Variants in DEFB130A observed in about 807,000 individuals in gnomAD.
The protein encoded by DEFB130A is beta-defensin 130A.
At chr8:12,316,872 T>A (rs1401634382) in intron 1 of DEFB130A, among the ~76,000 whole-genome samples, 1 of 144,662 alleles carries the variant, frequency 6.9e-6, no homozygotes, top group East Asian at 2.0e-4. Context: ...TTGGTGGGAA[T>A]GTAACAGTCT....
intron 1 of DEFB130A, among the ~76,000 whole-genome samples, chr8:12,316,893 C>A: frequency 7.3e-6 from 1 of 136,592 alleles, no homozygotes. Context: ...GAAGATTTCT[C>A]AAAGAACTTA....
intron 1 of DEFB130A, among the ~76,000 whole-genome samples, chr8:12,316,700 A>G (rs1809547303): frequency 8.4e-6 from 1 of 119,662 alleles, no homozygotes; most frequent in Non-Finnish European, 1.7e-5. Context: ...AGAAGCAGCC[A>G]GCAAACATGA....
In DEFB130A at chr8:12,316,781, G is replaced by A. The variant is rs866077410; in HGVS notation, c.58+1478C>T. Among the ~76,000 whole-genome samples, 3 of 148,778 alleles carry A rather than the reference G, an allele frequency of 2.0e-5. 1 individual carries two copies. The highest frequency in any genetic ancestry group is 7.7e-5 in the African/African-American group (3 of 38,854). ...CCACAATGAGAACTATCTTACACCA[G>A]TGAGAATGGCTATTATTAAAAAGTT... On this transcript the variant is annotated intron_variant, in intron 1 of 1. Coordinates refer to ENST00000400079, the MANE Select transcript of DEFB130A (RefSeq NM_001037804.1).
intron 1 of DEFB130A, among the ~76,000 whole-genome samples, chr8:12,317,337 A>G (rs1235256221): frequency 3.3e-5 from 4 of 121,744 alleles, no homozygotes; most frequent in South Asian, 6.0e-4. Flanking sequence ...TACATGAGTG[A>G]TGGGATTACC....
At chr8:12,315,333 G>A (rs1809508740) in intron 1 of DEFB130A, among the ~76,000 whole-genome samples, 1 of 87,598 alleles carries the variant, frequency 1.1e-5, no homozygotes, top group South Asian at 5.4e-4. Flanking sequence ...GCAATCATAT[G>A]TGAGGTGGAT....
chr8:12,311,802 G>A lies in DEFB130A; in HGVS notation c.59-659C>T, dbSNP rs536016177. ...AGACACCTGCAGAGAATTACTCACAGAGCTAAAAGGTATTTTCCCTTAAGT... is the reference window on the plus strand; with the variant it reads ...AGACACCTGCAGAGAATTACTCACAAAGCTAAAAGGTATTTTCCCTTAAGT... On this transcript the variant is annotated intron_variant, in intron 1 of 1. Coordinates refer to ENST00000400079, the MANE Select transcript of DEFB130A (RefSeq NM_001037804.1). Among the ~76,000 whole-genome samples the A allele has an allele frequency of 1.8e-5, 2 of 113,766 alleles. 1 individual carries two copies. The highest frequency in any genetic ancestry group is 6.3e-5 in the African/African-American group (2 of 31,680). The allele number at this position is 113,766 out of a possible 152,430, so 74.6% of individuals were successfully genotyped here.
intron 1 of DEFB130A, among the ~76,000 whole-genome samples, chr8:12,312,114 A>G (rs964324890): frequency 2.6e-4 from 5 of 19,296 alleles, no homozygotes; most frequent in Middle Eastern, 0.012. Flanking sequence ...TTGCTTCTGT[A>G]GATGAGTAAC....
intron 1 of DEFB130A, among the ~76,000 whole-genome samples, chr8:12,316,934 C>A (rs1261185387): frequency 9.2e-6 from 1 of 109,288 alleles, no homozygotes; most frequent in Non-Finnish European, 1.8e-5. Flanking sequence ...CCAGCAATTC[C>A]TACTGGGTAT....
intron 1 of DEFB130A, among the ~76,000 whole-genome samples, chr8:12,316,837 G>C (rs1314080667): frequency 1.3e-5 from 2 of 148,816 alleles, no homozygotes; most frequent in Non-Finnish European, 2.9e-5. Context: ...ATGAGGCTGT[G>C]GAGAAAAGGA....
Sources: gnomAD v4.1 joint callset for allele counts (sites outside exome capture counted in the v4.1 genomes callset) on GRCh38, gnomAD v4.1.1 for gene constraint, MANE v1.5 for transcripts, NCBI Gene and HGNC (gene_info 2026-07-23, HGNC 2026-07-21) for gene names.